The following ITGA9 variants were observed in gnomAD, a reference collection of about 807,000 sequenced individuals.
ITGA9 encodes the protein integrin subunit alpha 9.
ITGA9 carries 56 observed loss-of-function variants against 127.8 expected under a neutral mutation model. The observed-to-expected ratio is 0.44, with a 90% CI of 0.35 to 0.55. ITGA9 has a LOEUF of 0.55. Ranked by LOEUF, ITGA9 falls within the 20% of genes least tolerant of loss-of-function variation. The probability of loss-of-function intolerance (pLI) is 0.00; values close to 1 mark genes in which losing one functional copy is unlikely to be tolerated. For synonymous variants in ITGA9, 508 were observed against 514.5 expected, an observed-to-expected ratio of 0.99 and a Z score of 0.17; for missense variants, 1,196 against 1,347.1, an observed-to-expected ratio of 0.89 and a Z score of 1.76.
rs1441636618 is a variant in ITGA9 at position 37,814,773 on chromosome 3, A to G, written c.3010-4118A>G. The stretch of plus-strand genomic sequence containing the variant: ...AAACAGTTATAATAAACTTATACAC[A>G]TACATGATATCTGTGATGTGAGTGG... On this transcript the variant is annotated intron_variant, in intron 27 of 27. Coordinates refer to ENST00000264741, the MANE Select transcript of ITGA9 (RefSeq NM_002207.3). This position sits in a 1 kb window ranked among gnomAD's most constrained non-coding sequence, Gnocchi z 4.3. Among the ~76,000 whole-genome samples, 1 of 152,224 alleles carries G rather than the reference A, an allele frequency of 6.6e-6. No homozygotes were observed. The highest frequency in any genetic ancestry group is 1.5e-5 in the Non-Finnish European group (1 of 68,038).
At chr3:37,641,731 C>T (rs1359672004) in intron 16 of ITGA9, among the ~76,000 whole-genome samples, 3 of 152,166 alleles carry the variant, frequency 2.0e-5, no homozygotes, top group South Asian at 2.1e-4. Flanking sequence ...GCTCCTGCCT[C>T]GCCAGCGCCA....
chr3:37,466,090 C>T (rs184208556), intron 1 of ITGA9, among the ~76,000 whole-genome samples: 5 of 152,068 alleles, frequency 3.3e-5, no homozygotes, highest in Non-Finnish European at 4.4e-5. Flanking sequence ...TGATCCTGCC[C>T]GCAATGAGCC....
At chr3:37,716,944 G>A (rs1701141858) in intron 18 of ITGA9, among the ~76,000 whole-genome samples, 1 of 152,154 alleles carries the variant, frequency 6.6e-6, no homozygotes, top group Admixed American at 6.5e-5. Flanking sequence ...TTGTAAAACT[G>A]TCTTGCCCTT....
chr3:37,785,037 A>G lies in ITGA9; in HGVS notation c.2848A>G (p.Arg950Gly). ...CAAGGTGAAGGTGGATCCTGCCCTA[A>G]GGGTGGTGGAAATAGCTCATGGGAA... ...RAKVKVDPAL[R>G]VVEIAHGNPE... The change falls in exon 26 of 28, where the codon AGG (arginine) becomes GGG (glycine). Residue 950 changes from arginine to glycine, a missense_variant. Coordinates refer to ENST00000264741, the MANE Select transcript of ITGA9 (RefSeq NM_002207.3). The G allele has an allele frequency of 6.2e-7, 1 of 1,614,092 alleles. No individual in the cohort carries two copies. Among genetic ancestry groups the G allele is most frequent in the African/African-American group, 1.3e-5 (1 of 75,034 alleles).
intron 17 of ITGA9, among the ~76,000 whole-genome samples, chr3:37,683,508 G>A (rs749495081): frequency 3.8e-4 from 58 of 152,194 alleles, no homozygotes; most frequent in Non-Finnish European, 5.3e-4. Flanking sequence ...TCCCTAGCAC[G>A]GAGTAGTGGC....
chr3:37,491,332 C>A (rs1295292031), intron 4 of ITGA9, among the ~76,000 whole-genome samples: 3 of 152,198 alleles, frequency 2.0e-5, no homozygotes, highest in African/African-American at 7.2e-5. Flanking sequence ...TGCTGTCAGG[C>A]AAAGCCTGCT....
At chr3:37,680,119 A>T (rs973181407) in intron 17 of ITGA9, among the ~76,000 whole-genome samples, 1 of 152,166 alleles carries the variant, frequency 6.6e-6, no homozygotes, top group Non-Finnish European at 1.5e-5. Context: ...CTGGGTTCTC[A>T]TACCAGCACA....
intron 14 of ITGA9, among the ~76,000 whole-genome samples, chr3:37,535,573 A>T (rs1441034759): frequency 6.6e-6 from 1 of 152,194 alleles, no homozygotes; most frequent in Non-Finnish European, 1.5e-5. Context: ...GTTGGATGGC[A>T]TCTTGTACTG....
intron 27 of ITGA9, among the ~76,000 whole-genome samples, chr3:37,810,121 A>G (rs1697348833): frequency 6.6e-6 from 1 of 152,174 alleles, no homozygotes; most frequent in South Asian, 2.1e-4. Context: ...ATGTCCTTCT[A>G]GAGTAGCTCT....
At chr3:37,817,094 AG>A (rs1697444323) in intron 27 of ITGA9, among the ~76,000 whole-genome samples, 1 of 152,214 alleles carries the variant, frequency 6.6e-6, no homozygotes, top group African/African-American at 2.4e-5. Flanking sequence ...TATGACCATC[AG>A]GGTGGCTGTG....
chr3:37,620,612 C>A (rs1032051821), intron 15 of ITGA9, among the ~76,000 whole-genome samples: 5 of 152,060 alleles, frequency 3.3e-5, no homozygotes, highest in African/African-American at 1.2e-4. Context: ...GAGCTTGGAC[C>A]CCCTCTGACC....
intron 23 of ITGA9, among the ~76,000 whole-genome samples, chr3:37,769,654 C>T (rs369719981): frequency 1.3e-5 from 2 of 152,166 alleles, no homozygotes; most frequent in East Asian, 1.9e-4. Flanking sequence ...CAAGTTTGCC[C>T]CTCTATGCTT....
chr3:37,655,163 G>A (rs985570287), intron 17 of ITGA9, among the ~76,000 whole-genome samples: 4 of 152,190 alleles, frequency 2.6e-5, no homozygotes, highest in African/African-American at 9.7e-5. Flanking sequence ...ATGTGTGCAT[G>A]TGTCTTTATA....
chr3:37,649,525 T>C (rs1700410197), intron 16 of ITGA9, among the ~76,000 whole-genome samples: 1 of 152,088 alleles, frequency 6.6e-6, no homozygotes, highest in Admixed American at 6.5e-5. Flanking sequence ...CAGGAAGACA[T>C]AACAATTATA....
intron 3 of ITGA9, among the ~76,000 whole-genome samples, chr3:37,479,693 G>A (rs1281430242): frequency 6.6e-6 from 1 of 152,166 alleles, no homozygotes; most frequent in Non-Finnish European, 1.5e-5. Flanking sequence ...CCAGGGGGTG[G>A]GTTTTGATGG....
At chr3:37,665,809 C>T (rs570008117) in intron 17 of ITGA9, among the ~76,000 whole-genome samples, 20 of 152,246 alleles carry the variant, frequency 1.3e-4, no homozygotes, top group African/African-American at 3.9e-4. Flanking sequence ...ATCCCAGCCA[C>T]GCATCAAGGA....
rs1553643212 is a variant in ITGA9 at position 37,512,117 on chromosome 3, CTTCT to C, written c.898-1639_898-1636del. On this transcript the variant is annotated intron_variant, in intron 8 of 27. Transcript: ENST00000264741. ...CCTTCCTTCCTTCCTTCCTTCCTTC[CTTCT>C]TTCTTTTCTTTTCTTTTCTTTTCTT... is the stretch of plus-strand genomic sequence containing the variant. Among the ~76,000 whole-genome samples the C allele has an allele frequency of 3.9e-3, 223 of 57,646 alleles. 18 individuals are homozygous for C. Among genetic ancestry groups the C allele is most frequent in the African/African-American group, 0.013 (164 of 12,624 alleles). 37.8% of individuals were successfully genotyped at this position (57,646 alleles called of 152,430 possible).
chr3:37,797,404 A>T (rs1017861996), intron 26 of ITGA9, among the ~76,000 whole-genome samples: 4 of 152,120 alleles, frequency 2.6e-5, no homozygotes, highest in Admixed American at 6.5e-5. Flanking sequence ...CTAGCTGCCC[A>T]CCTAAGAAGC....
intron 13 of ITGA9, among the ~76,000 whole-genome samples, 179 bp from the exon 14 acceptor site, chr3:37,533,135 C>A (rs993914174): frequency 4.6e-5 from 7 of 152,170 alleles, no homozygotes; most frequent in African/African-American, 1.7e-4. Flanking sequence ...CAATATGCCC[C>A]TTCTAAAACC....
Sources: allele counts gnomAD v4.1 joint callset (sites outside exome capture counted in the v4.1 genomes callset), GRCh38; gene constraint gnomAD v4.1.1; non-coding constraint Gnocchi (gnomAD v3.1); transcripts MANE v1.5; gene names NCBI Gene and HGNC (gene_info 2026-07-23, HGNC 2026-07-21).